The following RBPMS variants were observed in gnomAD, a reference collection of about 807,000 sequenced individuals.
RBPMS encodes RNA binding protein, mRNA processing factor.
RBPMS carries 7 observed loss-of-function variants against 26.8 expected under a neutral mutation model. The ratio of observed to expected loss-of-function variants is 0.26; its 90% CI spans 0.15 to 0.49. The LOEUF is 0.49. RBPMS is among the 20% of genes least tolerant of loss of function. The pLI is 0.98. For missense variants in RBPMS, 186 were observed against 250.0 expected (o/e 0.74, Z 1.73); for synonymous variants, 96 against 93.3 (o/e 1.03, Z -0.17).
intron 6 of RBPMS, among the ~76,000 whole-genome samples, chr8:30,549,795 T>TCTCTCTCTCTCTCTCTCTCTCC (rs1298441943): frequency 7.9e-5 from 8 of 100,750 alleles, no homozygotes; most frequent in African/African-American, 2.9e-4. Context: ...TCTCTCTCTC[T>TCTCTCTCTCTCTCTCTCTCTCC]CCCCTCTCTC....
intron 4 of RBPMS, among the ~76,000 whole-genome samples, chr8:30,479,937 G>A (rs1263213850): frequency 6.6e-6 from 1 of 152,280 alleles, no homozygotes; most frequent in East Asian, 1.9e-4. Flanking sequence ...AGATATATCT[G>A]TATTTGGTTT....
At chr8:30,534,467 G>A (rs564444145) in intron 5 of RBPMS, among the ~76,000 whole-genome samples, 7 of 152,308 alleles carry the variant, frequency 4.6e-5, no homozygotes, top group East Asian at 1.9e-4. Context: ...GATTTCAGTC[G>A]TTGATGTTTT....
At chr8:30,556,700 C>T in intron 6 of RBPMS, 1 of 986,084 alleles carries the variant, frequency 1.0e-6, no homozygotes, top group African/African-American at 1.7e-5. Context: ...GTGTCCCCGC[C>T]CCGTCCTTTC....
In RBPMS at chr8:30,556,405, G is replaced by A. The variant is rs554512840; in HGVS notation, c.529-2482G>A. The A allele has an allele frequency of 1.5e-5, 15 of 985,866 alleles. No homozygotes were observed. The South Asian group carries it at 7.0e-4, about 46-fold the overall frequency. 61.1% of individuals were successfully genotyped at this position (985,866 alleles called of 1,614,324 possible). A position where few individuals can be genotyped will look rare whatever the true frequency, so the allele number is the denominator to read the frequency against. On this transcript the variant is annotated intron_variant, in intron 6 of 8. Coordinates refer to ENST00000397323, the MANE Select transcript of RBPMS (RefSeq NM_001008710.3). ...GTGAGAACGTGAGGGCTGTGTGCGAGAGCTGGTCAGAGAGGCTGGGGCAGG... is the reference window on the plus strand; with the variant it reads ...GTGAGAACGTGAGGGCTGTGTGCGAAAGCTGGTCAGAGAGGCTGGGGCAGG...
At chr8:30,536,460 TACC>T (rs1465690930) in intron 5 of RBPMS, among the ~76,000 whole-genome samples, 6 of 152,066 alleles carry the variant, frequency 3.9e-5, no homozygotes, top group African/African-American at 1.4e-4. Flanking sequence ...GATAGAGATG[TACC>T]CAAGCAGCAA....
rs917150847 is a variant in RBPMS, at chr8:30,385,017, G to T, written c.-76G>T. The T allele has an allele frequency of 8.2e-6, 10 of 1,223,360 alleles. No individual in the cohort carries two copies. Among genetic ancestry groups the T allele is most frequent in the Middle Eastern group, 2.2e-4 (1 of 4,514 alleles). 75.8% of individuals were successfully genotyped at this position (1,223,360 alleles called of 1,614,324 possible). ...GAGGGAGCCCCGGCGCCCGGGGAAG[G>T]CTCCAGTGGGCTAGCGCGCCCTCGC... On this transcript the variant is annotated 5_prime_UTR_variant, in exon 1 of 9. Coordinates refer to ENST00000397323, the MANE Select transcript of RBPMS (RefSeq NM_001008710.3).
chr8:30,411,942 C>T (rs1308608765), intron 1 of RBPMS, among the ~76,000 whole-genome samples: 4 of 150,064 alleles, frequency 2.7e-5, no homozygotes, highest in South Asian at 2.1e-4. Flanking sequence ...ACCGAGATCG[C>T]GCCATTGCAC....
intron 5 of RBPMS, among the ~76,000 whole-genome samples, chr8:30,543,590 G>C (rs1825612122): frequency 6.6e-6 from 1 of 152,186 alleles, no homozygotes; most frequent in African/African-American, 2.4e-5. Context: ...TGAGATTGCT[G>C]CTTCACAGGG....
chr8:30,476,285 C>T (rs1249570711), intron 2 of RBPMS, among the ~76,000 whole-genome samples: 5 of 152,210 alleles, frequency 3.3e-5, no homozygotes, highest in African/African-American at 1.2e-4. Flanking sequence ...CAGTCTGACT[C>T]TGCCCTCTCT....
intron 6 of RBPMS, chr8:30,552,580 A>G (rs1316899163): frequency 6.6e-6 from 1 of 152,342 alleles, no homozygotes; most frequent in East Asian, 1.9e-4. Context: ...TAGCAAACAT[A>G]GTTAAAAATT....
chr8:30,554,426 C>T (rs571343070), intron 6 of RBPMS, among the ~76,000 whole-genome samples: 1 of 152,210 alleles, frequency 6.6e-6, no homozygotes, highest in Non-Finnish European at 1.5e-5. Context: ...TCAAGTCAAA[C>T]AGGTTTCTTT....
intron 1 of RBPMS, among the ~76,000 whole-genome samples, chr8:30,444,036 A>C (rs1372794378): frequency 1.3e-5 from 2 of 152,152 alleles, no homozygotes; most frequent in East Asian, 3.9e-4. Context: ...AGCTGGGACT[A>C]CAGGGGGGCA....
chr8:30,567,785 T>C (rs1246920522), intron 8 of RBPMS, among the ~76,000 whole-genome samples: 6 of 152,184 alleles, frequency 3.9e-5, no homozygotes, highest in Non-Finnish European at 5.9e-5. Flanking sequence ...AGGATCAGGT[T>C]GCAAATGCCC....
At chr8:30,493,128 G>A (rs180756534) in intron 4 of RBPMS, among the ~76,000 whole-genome samples, 30 of 152,274 alleles carry the variant, frequency 2.0e-4, no homozygotes, top group African/African-American at 2.9e-4. Context: ...GACAGTGACC[G>A]ACATCAGACT....
In RBPMS at chr8:30,479,833, A is replaced by C. The variant is rs529633967; in HGVS notation, c.246+456A>C. On this transcript the variant is annotated intron_variant, in intron 4 of 8. Transcript: ENST00000397323. The stretch of plus-strand genomic sequence containing the variant: ...GCATTAAAAAAAAAAAACTGGTTAT[A>C]GCCTTTATTCTGGTTGATTAAAAAT... Among the ~76,000 whole-genome samples the C allele has an allele frequency of 5.9e-5, 9 of 151,744 alleles. No homozygotes were observed. The South Asian group carries it at 1.9e-3, about 31-fold the overall frequency.
intron 5 of RBPMS, 92 bp downstream of exon 5, chr8:30,504,528 C>A: frequency 7.7e-7 from 1 of 1,296,696 alleles, no homozygotes; most frequent in Non-Finnish European, 1.1e-6. Context: ...ATGGAGCTGG[C>A]TGAGTCTTAT....
intron 1 of RBPMS, among the ~76,000 whole-genome samples, chr8:30,442,368 T>A (rs900719471): frequency 6.6e-6 from 1 of 152,178 alleles, no homozygotes; most frequent in Non-Finnish European, 1.5e-5. Flanking sequence ...ACCTTGGCCC[T>A]TCGTTTTGTT....
intron 5 of RBPMS, among the ~76,000 whole-genome samples, chr8:30,519,458 C>CTTTTTTTTTTT (rs36017963): frequency 1.1e-5 from 1 of 89,460 alleles, no homozygotes; most frequent in African/African-American, 4.4e-5. Flanking sequence ...GGATCTCTCT[C>CTTTTTTTTTTT]TTTTTTTTTT....
At chr8:30,559,316 G>A (rs1433943510) in intron 7 of RBPMS, among the ~76,000 whole-genome samples, 3 of 152,226 alleles carry the variant, frequency 2.0e-5, no homozygotes, top group Non-Finnish European at 2.9e-5. Context: ...TGCAGGAATA[G>A]TCATCCACTA....
Sources: gnomAD v4.1 joint callset for allele counts (sites outside exome capture counted in the v4.1 genomes callset) on GRCh38, gnomAD v4.1.1 for gene constraint, MANE v1.5 for transcripts, NCBI Gene and HGNC (gene_info 2026-07-23, HGNC 2026-07-21) for gene names.